MCUR1: variants seen among roughly 807,000 people sequenced by gnomAD.
MCUR1 encodes the protein mitochondrial calcium uniporter regulator 1, also known as MCU regulator 1.
A neutral mutation model predicts 42.0 loss-of-function variants in MCUR1; 37 were observed. The ratio of observed to expected loss-of-function variants is 0.88; its 90% CI spans 0.68 to 1.16. The LOEUF is 1.16. Ranked by LOEUF, MCUR1 falls within the 50% of genes most tolerant of loss-of-function variation. MCUR1 has a pLI of 0.00. For synonymous variants in MCUR1, 229 were observed against 196.2 expected (o/e 1.17, Z -1.40); for missense variants, 469 against 468.4 (o/e 1.00, Z -0.01).
chr6:13,806,929 G>A lies in MCUR1; in HGVS notation c.531C>T (p.Asp177=). 1 of 1,602,108 alleles carries A rather than the reference G, an allele frequency of 6.2e-7. No individual in the cohort carries two copies. The highest frequency in any genetic ancestry group is 8.5e-7 in the Non-Finnish European group (1 of 1,171,822). ...DTHALVCLLE[D]NGFATQQAEI... is the part of the protein sequence containing the mutation. ...TGACGAATGACAGAGGATTACCATT[G>A]TCTTCCAGTAAGCACACTAAGGCAT... Residue 177 remains aspartate (D), a synonymous_variant, in exon 2 of 9, where the codon GAC becomes GAT. Coordinates refer to ENST00000379170, the MANE Select transcript of MCUR1 (RefSeq NM_001031713.4).
Position 13,811,946 on chromosome 6 carries a change from G to T in MCUR1, c.415+2069C>A, listed in dbSNP as rs529390793. On this transcript the variant is annotated intron_variant, in intron 1 of 8. Transcript: ENST00000379170. The stretch of plus-strand genomic sequence containing the variant: ...CAAGAAATCCTGCCTCTGAAAGGTC[G>T]ACAGAAGGGCTGGCCACTTTCCATT... 1.7e-4 allele frequency among the ~76,000 whole-genome samples: 26 copies of T among 152,164 alleles called. No homozygotes were observed. In the South Asian group the frequency reaches 5.4e-3, roughly 32 times the overall value.
rs1759631802 is a variant in MCUR1 at position 13,787,623 on chromosome 6, G to A, written c.*3186C>T. 1 of 152,236 alleles carries A rather than the reference G, an allele frequency of 6.6e-6. No homozygotes were observed. The highest frequency in any genetic ancestry group is 1.5e-5 in the Non-Finnish European group (1 of 68,082). The allele number at this position is 152,236 out of a possible 1,614,324, so 9.4% of individuals were successfully genotyped here. A position where few individuals can be genotyped will look rare whatever the true frequency, so the allele number is the denominator to read the frequency against. ...AGAATGATGAGTGATTCGTGCAGGA[G>A]AGGGAAATACAGACGTTCCGTCCAT... On this transcript the variant is annotated 3_prime_UTR_variant, in exon 9 of 9. Coordinates refer to ENST00000379170, the MANE Select transcript of MCUR1 (RefSeq NM_001031713.4).
intron 2 of MCUR1, among the ~76,000 whole-genome samples, chr6:13,806,043 C>A (rs936572464): frequency 6.6e-6 from 1 of 152,082 alleles, no homozygotes; most frequent in African/African-American, 2.4e-5. Context: ...ATCACAAGGT[C>A]AGGAGTTCGA....
intron 2 of MCUR1, among the ~76,000 whole-genome samples, chr6:13,806,094 A>G (rs1290380299): frequency 2.0e-5 from 3 of 151,982 alleles, no homozygotes; most frequent in African/African-American, 7.3e-5. Context: ...TCTCTATGAA[A>G]AACACAAAAA....
chr6:13,814,503 C>A lies in MCUR1; in HGVS notation c.-74G>T. 1.5e-6 allele frequency: 2 copies of A among 1,350,988 alleles called. No homozygotes were observed. Among genetic ancestry groups the A allele is most frequent in the Non-Finnish European group, 1.9e-6 (2 of 1,054,904 alleles). The allele number at this position is 1,350,988 out of a possible 1,614,324, so 83.7% of individuals were successfully genotyped here. A position where few individuals can be genotyped will look rare whatever the true frequency, so the allele number is the denominator to read the frequency against. On this transcript the variant is annotated 5_prime_UTR_variant, in exon 1 of 9. Transcript: ENST00000379170. ...GGCGCCGGCCACGCGCGGTCCAGGC[C>A]CAGAGTCCGACAGCGGGAGCGAGCG...
rs1349967833 is a variant in MCUR1, at chr6:13,814,536, C to T, written c.-107G>A. ...CGACAGCGGGAGCGAGCGTGGGCCACAGCGCAGGACCGCCCTTTCCTGCCG... is the reference window on the plus strand; with the variant it reads ...CGACAGCGGGAGCGAGCGTGGGCCATAGCGCAGGACCGCCCTTTCCTGCCG... On this transcript the variant is annotated 5_prime_UTR_variant, in exon 1 of 9. The change creates a new upstream start codon in the 5' untranslated region. Coordinates refer to ENST00000379170, the MANE Select transcript of MCUR1 (RefSeq NM_001031713.4). The T allele has an allele frequency of 5.5e-5, 66 of 1,204,094 alleles. No individual in the cohort carries two copies. Among genetic ancestry groups the T allele is most frequent in the Non-Finnish European group, 6.9e-5 (66 of 953,456 alleles). The allele number at this position is 1,204,094 out of a possible 1,614,324, so 74.6% of individuals were successfully genotyped here. A position where few individuals can be genotyped will look rare whatever the true frequency, so the allele number is the denominator to read the frequency against.
chr6:13,794,000 C>T, intron 6 of MCUR1, 53 bp from the exon 7 acceptor site: 2 of 1,536,190 alleles, frequency 1.3e-6, no homozygotes, highest in Admixed American at 1.7e-5. Context: ...TCTCTCTTCT[C>T]CTTCTCTGGT....
intron 8 of MCUR1, among the ~76,000 whole-genome samples, chr6:13,791,240 C>T (rs1759723316): frequency 1.3e-5 from 2 of 152,030 alleles, no homozygotes; most frequent in African/African-American, 4.8e-5. Context: ...CGCTGTGTTG[C>T]CTAGGCTAAG....
intron 6 of MCUR1, among the ~76,000 whole-genome samples, chr6:13,796,923 C>T (rs1330824893): frequency 6.6e-6 from 1 of 152,112 alleles, no homozygotes; most frequent in East Asian, 1.9e-4. Context: ...ATAAAGGTAA[C>T]CAAAAGAGTT....
Position 13,791,861 on chromosome 6 carries a change from G to T in MCUR1, c.1024+17C>A, listed in dbSNP as rs1453623648. ...TTTTCTTTTCAGGTTGATTTAAATA[G>T]ATACAAAATAGCTTACCTGCTAAAT... On this transcript the variant is annotated intron_variant, in intron 8 of 8. Coordinates refer to ENST00000379170, the MANE Select transcript of MCUR1 (RefSeq NM_001031713.4). The T allele has an allele frequency of 1.9e-6, 3 of 1,545,624 alleles. No homozygotes were observed. The South Asian group carries it at 3.4e-5, about 18-fold the overall frequency.
rs1760008109 is a variant in MCUR1, at chr6:13,802,303, G to C, written c.579C>G (p.Val193=). 6.2e-7 allele frequency: 1 copy of C among 1,613,620 alleles called. No individual in the cohort carries two copies. Among genetic ancestry groups the C allele is most frequent in the African/African-American group, 1.3e-5 (1 of 74,866 alleles). Residue 193 remains valine, a synonymous_variant, in exon 3 of 9, where the codon GTC becomes GTG. Transcript: ENST00000379170. ...TGTCCATGTTGGCCTCCAGGATCTT[G>C]ACCAATGCAGACACAATGATTTCTG... is the stretch of plus-strand genomic sequence containing the variant. The part of the protein sequence containing the change: ...QQAEIIVSAL[V]KILEANMDIV...
rs1464714275 is a variant in MCUR1 at position 13,789,000 on chromosome 6, G to C, written c.*1809C>G. 2 of 152,208 alleles carry C rather than the reference G, an allele frequency of 1.3e-5. No homozygotes were observed. The highest frequency in any genetic ancestry group is 1.5e-5 in the Non-Finnish European group (1 of 68,048). 9.4% of individuals were successfully genotyped at this position (152,208 alleles called of 1,614,324 possible). On this transcript the variant is annotated 3_prime_UTR_variant, in exon 9 of 9. Coordinates refer to ENST00000379170, the MANE Select transcript of MCUR1 (RefSeq NM_001031713.4). Reference sequence around the variant, plus strand: ...CAACGAGCAATGTATTCACCAAACTGATCAAAAAATCTGCCTGTGGTTCCT... The same window carrying C: ...CAACGAGCAATGTATTCACCAAACTCATCAAAAAATCTGCCTGTGGTTCCT...
chr6:13,810,441 A>T (rs1392754938), intron 1 of MCUR1, among the ~76,000 whole-genome samples: 1 of 152,148 alleles, frequency 6.6e-6, no homozygotes, highest in East Asian at 1.9e-4. Flanking sequence ...TTTGCCGTTA[A>T]CTGGCACCAG....
Position 13,801,536 on chromosome 6 carries a change from G to C in MCUR1, c.640-147C>G, listed in dbSNP as rs569647546. ...TAGGGTCATCCTTTATTCCAAAAGG[G>C]GAAAAGGAAAAGAAAAAAACAACAC... On this transcript the variant is annotated intron_variant, in intron 3 of 8. Coordinates refer to ENST00000379170, the MANE Select transcript of MCUR1 (RefSeq NM_001031713.4). The C allele has an allele frequency of 5.1e-6, 3 of 584,770 alleles. No individual in the cohort carries two copies. The South Asian group carries it at 6.4e-5, about 13-fold the overall frequency. The allele number at this position is 584,770 out of a possible 1,614,324, so 36.2% of individuals were successfully genotyped here. A position where few individuals can be genotyped will look rare whatever the true frequency, so the allele number is the denominator to read the frequency against.
At chr6:13,795,881 C>A (rs1479060168) in intron 6 of MCUR1, among the ~76,000 whole-genome samples, 3 of 152,100 alleles carry the variant, frequency 2.0e-5, no homozygotes, top group Admixed American at 2.0e-4. Context: ...CCAAAACCCA[C>A]TGAAATTAAA....
chr6:13,791,752 C>T (rs1759731958), intron 8 of MCUR1, 126 bp downstream of exon 8: 1 of 637,174 alleles, frequency 1.6e-6, no homozygotes, highest in Admixed American at 3.4e-5. Context: ...AGATGCTTTC[C>T]AATTTCAGAG....
chr6:13,795,569 G>A (rs1341190876), intron 6 of MCUR1, among the ~76,000 whole-genome samples: 2 of 152,154 alleles, frequency 1.3e-5, no homozygotes, highest in Admixed American at 6.5e-5. Flanking sequence ...AAACACACTC[G>A]CTGTATAATT....
intron 1 of MCUR1, among the ~76,000 whole-genome samples, chr6:13,813,347 A>G (rs1342493297): frequency 6.6e-6 from 1 of 152,174 alleles, no homozygotes; most frequent in Admixed American, 6.5e-5. Context: ...TCCACTTCCC[A>G]AGCCTTATCC....
At position 13,796,640 on chromosome 6, in the gene MCUR1, T is replaced by C. The variant is rs560809896; in HGVS notation, c.855+2193A>G. Among the ~76,000 whole-genome samples the C allele has an allele frequency of 2.0e-4, 30 of 152,354 alleles. 2 individuals carry two copies. The Middle Eastern group carries it at 0.024, about 121-fold the overall frequency. On this transcript the variant is annotated intron_variant, in intron 6 of 8. Coordinates refer to ENST00000379170, the MANE Select transcript of MCUR1 (RefSeq NM_001031713.4). ...AAACTGTAATTGTGAAAAAAATTTC[T>C]GGAAAATTTTTGTTTGCTGGATGAT... is the stretch of plus-strand genomic sequence containing the variant.
Sources: allele counts gnomAD v4.1 joint callset (sites outside exome capture counted in the v4.1 genomes callset), GRCh38; gene constraint gnomAD v4.1.1; transcripts MANE v1.5; gene names NCBI Gene and HGNC (gene_info 2026-07-23, HGNC 2026-07-21).